Variants in EPHA5 observed in about 807,000 individuals in gnomAD.
EPHA5 encodes the protein ephrin type-A receptor 5.
In EPHA5, 60 loss-of-function variants were observed where a neutral mutation model predicts 105.0. That is an observed-to-expected ratio of 0.57 (90% CI 0.46 to 0.71). The LOEUF (loss-of-function observed/expected upper bound fraction) is 0.71, where lower values mean the gene tolerates loss of function less well. Ranked by LOEUF, EPHA5 falls within the 30% of genes least tolerant of loss-of-function variation. The pLI, the probability that EPHA5 is intolerant of heterozygous loss-of-function variation, is 0.00. For missense variants in EPHA5, 1,218 were observed against 1,274.7 expected, an observed-to-expected ratio of 0.96 and a Z score of 0.68; for synonymous variants, 513 against 449.1, an observed-to-expected ratio of 1.14 and a Z score of -1.80.
intron 2 of EPHA5, among the ~76,000 whole-genome samples, chr4:65,631,480 C>A (rs997625262): frequency 2.6e-5 from 4 of 151,898 alleles, no homozygotes; most frequent in Non-Finnish European, 5.9e-5. Flanking sequence ...ACATAATGAA[C>A]TTATAAGTCT....
At chr4:65,571,750 T>C (rs181130971) in intron 3 of EPHA5, among the ~76,000 whole-genome samples, 65 of 152,200 alleles carry the variant, frequency 4.3e-4, no homozygotes, top group African/African-American at 1.2e-3. Context: ...TGGGTTTTTA[T>C]TTAGACTTCT....
chr4:65,426,836 A>G (rs1437312836), intron 5 of EPHA5, among the ~76,000 whole-genome samples: 1 of 151,914 alleles, frequency 6.6e-6, no homozygotes, highest in Non-Finnish European at 1.5e-5. Flanking sequence ...AAAGCAATAT[A>G]TTTTTTATTT....
intron 3 of EPHA5, among the ~76,000 whole-genome samples, chr4:65,586,717 AG>A (rs891960071): frequency 6.6e-6 from 1 of 151,984 alleles, no homozygotes; most frequent in Non-Finnish European, 1.5e-5. Context: ...CTACTAACTC[AG>A]GGTTCTTGGA....
chr4:65,662,781 C>T (rs1231341381), intron 1 of EPHA5, among the ~76,000 whole-genome samples: 1 of 151,980 alleles, frequency 6.6e-6, no homozygotes, highest in African/African-American at 2.4e-5. Flanking sequence ...TTATTAATAT[C>T]AATTTTGTGG....
intron 1 of EPHA5, among the ~76,000 whole-genome samples, chr4:65,643,921 T>C (rs2149515988): frequency 6.6e-6 from 1 of 152,194 alleles, no homozygotes; most frequent in Non-Finnish European, 1.5e-5. Context: ...TTTTTTGTGA[T>C]ATTAACAGAA....
rs1235301323 is a variant in EPHA5, at chr4:65,601,778, A to G, written c.773T>C (p.Val258Ala). The change falls in exon 3 of 17, where the codon GTG (valine) becomes GCG (alanine). Residue 258 changes from valine to alanine, a missense_variant. Coordinates refer to ENST00000613740, the MANE Select transcript of EPHA5 (RefSeq NM_001281766.3). ...AGAATGGTTGACACAGGAGCCTGACACTTCGAGCAATTGGGAAGAATCAGC... is the reference window on the plus strand; with the variant it reads ...AGAATGGTTGACACAGGAGCCTGACGCTTCGAGCAATTGGGAAGAATCAGC... The part of the protein sequence containing the change: ...TGADSSQLLE[V>A]SGSCVNHSVT... The G allele has an allele frequency of 2.5e-6, 4 of 1,614,186 alleles. No homozygotes were observed. Among genetic ancestry groups the G allele is most frequent in the Admixed American group, 1.7e-5 (1 of 60,018 alleles).
intron 3 of EPHA5, among the ~76,000 whole-genome samples, chr4:65,590,227 A>T (rs1179148747): frequency 2.0e-5 from 3 of 152,156 alleles, no homozygotes; most frequent in Non-Finnish European, 4.4e-5. Context: ...TGCTCAAATG[A>T]GCAGGATATC....
intron 5 of EPHA5, among the ~76,000 whole-genome samples, chr4:65,431,234 C>T (rs989982507): frequency 1.2e-4 from 19 of 152,064 alleles, no homozygotes; most frequent in Admixed American, 2.0e-4. Context: ...ATGCTAAATG[C>T]AAATTCAATT....
At chr4:65,409,978 A>G (rs776493027) in intron 7 of EPHA5, among the ~76,000 whole-genome samples, 1 of 152,212 alleles carries the variant, frequency 6.6e-6, no homozygotes, top group Non-Finnish European at 1.5e-5. Context: ...AAAATGATAG[A>G]GCCGTTTTGG....
intron 3 of EPHA5, among the ~76,000 whole-genome samples, chr4:65,576,034 G>GAA (rs1355456300): frequency 2.7e-5 from 2 of 72,958 alleles, no homozygotes; most frequent in African/African-American, 5.1e-5. Context: ...AAGAAAGAAA[G>GAA]AAAGAAAGAA....
At chr4:65,640,227 ACT>A (rs1387110123) in intron 2 of EPHA5, among the ~76,000 whole-genome samples, 1 of 147,120 alleles carries the variant, frequency 6.8e-6, no homozygotes, top group African/African-American at 2.5e-5. Context: ...AATTCTGTAA[ACT>A]CTGTATTTTT....
chr4:65,418,599 T>C (rs1421192817), intron 6 of EPHA5, among the ~76,000 whole-genome samples: 1 of 152,180 alleles, frequency 6.6e-6, no homozygotes, highest in Non-Finnish European at 1.5e-5. Flanking sequence ...TTGCATTTAA[T>C]ACTACCAGTA....
chr4:65,605,498 C>T (rs1744140411), intron 2 of EPHA5, among the ~76,000 whole-genome samples: 1 of 152,142 alleles, frequency 6.6e-6, no homozygotes, highest in African/African-American at 2.4e-5. Context: ...TGACTCATGA[C>T]ACATGGGCTG....
At chr4:65,504,183 T>C (rs1348309063) in intron 3 of EPHA5, among the ~76,000 whole-genome samples, 1 of 151,298 alleles carries the variant, frequency 6.6e-6, no homozygotes, top group East Asian at 1.9e-4. Flanking sequence ...TAATACTAAT[T>C]TCCTTCCCAT....
At chr4:65,438,568 G>A (rs1482528317) in intron 5 of EPHA5, among the ~76,000 whole-genome samples, 1 of 151,902 alleles carries the variant, frequency 6.6e-6, no homozygotes, top group East Asian at 1.9e-4. Flanking sequence ...ACCAAATGGA[G>A]CTGAGGAGAG....
At chr4:65,553,039 G>A (rs1172326390) in intron 3 of EPHA5, among the ~76,000 whole-genome samples, 1 of 152,070 alleles carries the variant, frequency 6.6e-6, no homozygotes, top group East Asian at 1.9e-4. Flanking sequence ...GCTATAGTTG[G>A]AGACAATGAA....
chr4:65,400,684 A>G (rs1051883028), intron 8 of EPHA5, among the ~76,000 whole-genome samples: 1 of 152,116 alleles, frequency 6.6e-6, no homozygotes, highest in Non-Finnish European at 1.5e-5. Flanking sequence ...TTAGAATTTT[A>G]AAAGTTAACC....
At chr4:65,418,064 C>A (rs1309364265) in intron 6 of EPHA5, among the ~76,000 whole-genome samples, 1 of 152,070 alleles carries the variant, frequency 6.6e-6, no homozygotes, top group African/African-American at 2.4e-5. Context: ...CAGCTATTAA[C>A]CCTTATTGCA....
intron 2 of EPHA5, among the ~76,000 whole-genome samples, 170 bp downstream of exon 2, chr4:65,643,193 T>C (rs1355020794): frequency 6.6e-6 from 1 of 152,002 alleles, no homozygotes; most frequent in Non-Finnish European, 1.5e-5. Flanking sequence ...TTCCCTAGTG[T>C]TCCTTTTTTT....
Sources: allele counts gnomAD v4.1 joint callset (sites outside exome capture counted in the v4.1 genomes callset), GRCh38; gene constraint gnomAD v4.1.1; transcripts MANE v1.5; gene names NCBI Gene and HGNC (gene_info 2026-07-23, HGNC 2026-07-21).